Variants in TRAPPC11 observed in about 807,000 individuals in gnomAD.
The protein encoded by TRAPPC11 is trafficking protein particle complex subunit 11.
A neutral mutation model predicts 151.2 loss-of-function variants in TRAPPC11; 104 were observed. The observed-to-expected ratio is 0.69, with a 90% confidence interval of 0.59 to 0.81. The LOEUF is 0.81. Ranked by LOEUF, TRAPPC11 falls within the 30% of genes least tolerant of loss-of-function variation. The probability of loss-of-function intolerance (pLI) is 0.00; values close to 1 mark genes in which losing one functional copy is unlikely to be tolerated. For synonymous variants in TRAPPC11, 456 were observed against 472.3 expected (o/e 0.97, Z 0.45); for missense variants, 1,230 against 1,349.6 (o/e 0.91, Z 1.39).
chr4:183,691,383 A>G lies in TRAPPC11; in HGVS notation c.1961A>G (p.Gln654Arg). 3.2e-6 allele frequency: 5 copies of G among 1,565,612 alleles called. No individual in the cohort carries two copies. Among genetic ancestry groups the G allele is most frequent in the South Asian group, 2.4e-5 (2 of 81,796 alleles). ...AATGAAGTTTTAGAAAATCTGACTC[A>G]AGGAAAGATGTGCCTAGTTCCTGGC... is the stretch of plus-strand genomic sequence containing the variant. ...KANEVLENLT[Q>R]GKMCLVPGKT... is the part of the protein sequence containing the mutation. Residue 654 changes from glutamine to arginine, a missense_variant, in exon 19 of 30, where the codon CAA becomes CGA. By Grantham distance (43) the Gln-to-Arg change is conservative. Coordinates refer to ENST00000334690, the MANE Select transcript of TRAPPC11 (RefSeq NM_021942.6).
At chr4:183,690,394 A>G (rs1222655475) in intron 18 of TRAPPC11, among the ~76,000 whole-genome samples, 1 of 152,208 alleles carries the variant, frequency 6.6e-6, no homozygotes, top group African/African-American at 2.4e-5. Flanking sequence ...GAGAATAGTG[A>G]TTCCATAGAT....
intron 25 of TRAPPC11, among the ~76,000 whole-genome samples, chr4:183,700,008 T>C (rs967420801): frequency 1.3e-5 from 2 of 152,032 alleles, no homozygotes; most frequent in African/African-American, 4.8e-5. Flanking sequence ...GTATTTTTAG[T>C]AGAGACAGGG....
chr4:183,678,829 T>C (rs576966665), intron 8 of TRAPPC11, among the ~76,000 whole-genome samples: 33 of 152,368 alleles, frequency 2.2e-4, no homozygotes, highest in African/African-American at 7.2e-4. Flanking sequence ...ATTTAGGCTT[T>C]GTTTCTTCCT....
At chr4:183,706,495 C>T (rs1415602950) in intron 27 of TRAPPC11, among the ~76,000 whole-genome samples, 1 of 151,346 alleles carries the variant, frequency 6.6e-6, no homozygotes, top group African/African-American at 2.4e-5. Flanking sequence ...TGCACTCCAG[C>T]CTGGGTGAAA....
chr4:183,698,780 G>C (rs1291295600), intron 25 of TRAPPC11, among the ~76,000 whole-genome samples: 1 of 152,108 alleles, frequency 6.6e-6, no homozygotes, highest in Non-Finnish European at 1.5e-5. Context: ...CACGACCTTA[G>C]GCTGCCTGCA....
chr4:183,665,591 C>T (rs1734839694), intron 2 of TRAPPC11, among the ~76,000 whole-genome samples: 2 of 152,222 alleles, frequency 1.3e-5, no homozygotes, highest in Non-Finnish European at 1.5e-5. Flanking sequence ...GACATTGGAT[C>T]ACCATGAAGT....
intron 18 of TRAPPC11, among the ~76,000 whole-genome samples, chr4:183,690,165 T>C (rs1023439877): frequency 6.6e-6 from 1 of 151,882 alleles, no homozygotes; most frequent in Non-Finnish European, 1.5e-5. Flanking sequence ...ATTGCATTTC[T>C]AGTGGGCGAT....
intron 9 of TRAPPC11, 118 bp from the exon 10 acceptor site, chr4:183,680,002 C>T: frequency 1.3e-6 from 1 of 754,488 alleles, no homozygotes; most frequent in Non-Finnish European, 2.1e-6. Flanking sequence ...ATTAACTGTT[C>T]ATCAATAGCA....
At chr4:183,698,891 G>A (rs1271994104) in intron 25 of TRAPPC11, among the ~76,000 whole-genome samples, 3 of 152,108 alleles carry the variant, frequency 2.0e-5, no homozygotes, top group African/African-American at 7.3e-5. Context: ...TCCTTCACAC[G>A]CACATCTATC....
intron 5 of TRAPPC11, among the ~76,000 whole-genome samples, chr4:183,674,280 T>C (rs2111328990): frequency 6.6e-6 from 1 of 152,068 alleles, no homozygotes; most frequent in East Asian, 1.9e-4. Flanking sequence ...TAGCTAGGCA[T>C]GGTGGCACAT....
intron 2 of TRAPPC11, among the ~76,000 whole-genome samples, chr4:183,665,194 G>A (rs75711572): frequency 0.4 from 59,410 of 147,874 alleles, 13,488 homozygotes; most frequent in Non-Finnish European, 0.51. Context: ...TCCTGGGTTC[G>A]TGCCATTCTC....
At chr4:183,710,137 T>G (rs1737269490) in intron 29 of TRAPPC11, among the ~76,000 whole-genome samples, 1 of 152,140 alleles carries the variant, frequency 6.6e-6, no homozygotes, top group African/African-American at 2.4e-5. Flanking sequence ...AGATTTTTGG[T>G]TCCATCAATT....
intron 26 of TRAPPC11, among the ~76,000 whole-genome samples, chr4:183,703,128 G>C (rs990616706): frequency 6.6e-6 from 1 of 152,158 alleles, no homozygotes; most frequent in East Asian, 1.9e-4. Context: ...AAATCCCCTG[G>C]GTTTGTTCAT....
rs1046655841 is a variant in TRAPPC11 at position 183,661,402 on chromosome 4, C to G, written c.-22+1955C>G. The stretch of plus-strand genomic sequence containing the variant: ...TTTTTTTTTTGAGACGGAGTCTCCT[C>G]GCTCTGTCGCCCAGGCTGGAGTGCA... On this transcript the variant is annotated intron_variant, in intron 1 of 29. Transcript: ENST00000334690. 4.1e-5 allele frequency among the ~76,000 whole-genome samples: 5 copies of G among 122,520 alleles called. No individual in the cohort carries two copies. The East Asian group carries it at 1.0e-3, about 25-fold the overall frequency. 80.4% of individuals were successfully genotyped at this position (122,520 alleles called of 152,430 possible). A position where few individuals can be genotyped will look rare whatever the true frequency, so the allele number is the denominator to read the frequency against.
chr4:183,663,127 C>T lies in TRAPPC11; in HGVS notation c.-21-720C>T, dbSNP rs547961675. ...TGTCACCCAGATTGGAGTGGAGTGC[C>T]GTGATCTTGGCTCACTGGAGCCTCC... On this transcript the variant is annotated intron_variant, in intron 1 of 29. Transcript: ENST00000334690. Among the ~76,000 whole-genome samples the T allele has an allele frequency of 3.6e-4, 54 of 151,964 alleles. 1 individual carries two copies. Among genetic ancestry groups the T allele is most frequent in the Non-Finnish European group, 6.9e-4 (47 of 67,996 alleles).
intron 4 of TRAPPC11, 133 bp downstream of exon 4, chr4:183,667,263 G>C: frequency 1.6e-6 from 1 of 624,422 alleles, no homozygotes. Flanking sequence ...ACTTTAAAAA[G>C]CACCAATGAT....
chr4:183,662,354 CAAAAAA>C (rs202105209), intron 1 of TRAPPC11, among the ~76,000 whole-genome samples: 1 of 110,276 alleles, frequency 9.1e-6, no homozygotes. Context: ...TACTCCGTCT[CAAAAAA>C]AAAAAAAAAA....
chr4:183,697,420 A>T, intron 23 of TRAPPC11, 83 bp from the exon 24 acceptor site: 1 of 1,242,786 alleles, frequency 8.0e-7, no homozygotes, highest in Non-Finnish European at 1.1e-6. Flanking sequence ...TTATTTATTG[A>T]TCAGTGATAG....
chr4:183,709,988 T>G (rs1237870471), intron 29 of TRAPPC11, among the ~76,000 whole-genome samples: 1 of 152,188 alleles, frequency 6.6e-6, no homozygotes, highest in East Asian at 1.9e-4. Context: ...TCCCTTTAGC[T>G]GTTAGACTTT....
Sources: allele counts gnomAD v4.1 joint callset (sites outside exome capture counted in the v4.1 genomes callset), GRCh38; gene constraint gnomAD v4.1.1; transcripts MANE v1.5; gene names NCBI Gene and HGNC (gene_info 2026-07-23, HGNC 2026-07-21).